The following SLF1 variants were observed in gnomAD, a reference collection of about 807,000 sequenced individuals.
The protein encoded by SLF1 is SMC5-SMC6 complex localization factor protein 1.
A neutral mutation model predicts 123.0 loss-of-function variants in SLF1; 105 were observed. That is an observed-to-expected ratio of 0.85 (90% CI 0.73 to 1.00). The LOEUF (loss-of-function observed/expected upper bound fraction) is 1.00. Ranked by LOEUF, SLF1 falls within the 50% of genes least tolerant of loss-of-function variation. The pLI is 0.00. For synonymous variants in SLF1, 434 were observed against 406.6 expected (o/e 1.07, Z -0.81); for missense variants, 1,239 against 1,223.0 (o/e 1.01, Z -0.20).
intron 4 of SLF1, among the ~76,000 whole-genome samples, chr5:94,631,956 A>AT (rs1291838417): frequency 1.4e-5 from 2 of 141,534 alleles, no homozygotes; most frequent in Admixed American, 7.2e-5. Context: ...TCTCTACAAA[A>AT]TTTTTTTTTC....
At position 94,686,664 on chromosome 5, in the gene SLF1, G is replaced by A; in HGVS notation, c.2067G>A (p.Leu689=). ...MFVAEAVFKK[L]CLQSSGSVSS... ...TTGCAGAGGCAGTCTTTAAAAAGTT[G>A]TGTCTACAGAGCTCTGGCAGTGTTT... is the stretch of plus-strand genomic sequence containing the variant. The change falls in exon 16 of 21, where the codon TTG becomes TTA. Residue 689 remains leucine (L), a synonymous_variant. Coordinates refer to ENST00000265140, the MANE Select transcript of SLF1 (RefSeq NM_032290.4). The A allele has an allele frequency of 6.2e-7, 1 of 1,614,050 alleles. No individual in the cohort carries two copies. The highest frequency in any genetic ancestry group is 8.5e-7 in the Non-Finnish European group (1 of 1,179,962).
At chr5:94,679,089 A>G in intron 15 of SLF1, 134 bp downstream of exon 15, 2 of 921,284 alleles carry the variant, frequency 2.2e-6, no homozygotes, top group Non-Finnish European at 3.2e-6. Context: ...GCACGCACAC[A>G]TAGATTCACA....
intron 8 of SLF1, among the ~76,000 whole-genome samples, chr5:94,654,253 A>G (rs1180868850): frequency 6.6e-6 from 1 of 152,154 alleles, no homozygotes; most frequent in African/African-American, 2.4e-5. Flanking sequence ...AAAATGATAA[A>G]GGTAAATAAG....
At chr5:94,657,985 C>T (rs1171151713) in intron 9 of SLF1, among the ~76,000 whole-genome samples, 1 of 151,978 alleles carries the variant, frequency 6.6e-6, no homozygotes, top group Non-Finnish European at 1.5e-5. Context: ...TTTTTTAATA[C>T]ATGTAGCCAG....
chr5:94,658,141 C>A (rs1434586677), intron 9 of SLF1, among the ~76,000 whole-genome samples: 1 of 143,326 alleles, frequency 7.0e-6, no homozygotes. Flanking sequence ...TATTGTTTGT[C>A]ATTGCAGTTG....
At chr5:94,692,712 A>T (rs1017630219) in intron 20 of SLF1, among the ~76,000 whole-genome samples, 1 of 152,314 alleles carries the variant, frequency 6.6e-6, no homozygotes, top group Non-Finnish European at 1.5e-5. Context: ...ACTGTAAAAA[A>T]ATGATATCCT....
chr5:94,639,201 G>A (rs553698212), intron 4 of SLF1, among the ~76,000 whole-genome samples: 5 of 151,800 alleles, frequency 3.3e-5, no homozygotes, highest in South Asian at 2.1e-4. Context: ...CACCATGCTC[G>A]ACTAATTTTT....
chr5:94,697,368 T>C lies in SLF1; in HGVS notation c.*2056T>C, dbSNP rs1055144597. 6.6e-6 allele frequency: 1 copy of C among 151,896 alleles called. No individual in the cohort carries two copies. The highest frequency in any genetic ancestry group is 1.5e-5 in the Non-Finnish European group (1 of 67,896). The allele number at this position is 151,896 out of a possible 1,614,324, so 9.4% of individuals were successfully genotyped here. A position where few individuals can be genotyped will look rare whatever the true frequency, so the allele number is the denominator to read the frequency against. On this transcript the variant is annotated 3_prime_UTR_variant, in exon 21 of 21. Coordinates refer to ENST00000265140, the MANE Select transcript of SLF1 (RefSeq NM_032290.4). Reference sequence around the variant, plus strand: ...ACATAATAATAATTGCCTTGAATAATTGCCCAAATCTATCTTGGAGGTATA... The same window carrying C: ...ACATAATAATAATTGCCTTGAATAACTGCCCAAATCTATCTTGGAGGTATA...
At chr5:94,656,532 C>G (rs1027193883) in intron 9 of SLF1, among the ~76,000 whole-genome samples, 3 of 151,890 alleles carry the variant, frequency 2.0e-5, no homozygotes, top group African/African-American at 7.2e-5. Context: ...ATTCCCTACC[C>G]TTCAGTTTTT....
At chr5:94,622,169 C>T (rs1360682818) in intron 1 of SLF1, among the ~76,000 whole-genome samples, 1 of 152,138 alleles carries the variant, frequency 6.6e-6, no homozygotes, top group African/African-American at 2.4e-5. Context: ...ACACTTGGAC[C>T]CTTTTCAGTT....
At chr5:94,669,271 G>T (rs1750165463) in intron 12 of SLF1, among the ~76,000 whole-genome samples, 1 of 152,150 alleles carries the variant, frequency 6.6e-6, no homozygotes, top group Non-Finnish European at 1.5e-5. Context: ...CTTATAGATA[G>T]ATTGAATATT....
intron 20 of SLF1, among the ~76,000 whole-genome samples, chr5:94,693,704 T>C (rs925243273): frequency 1.3e-5 from 2 of 151,898 alleles, no homozygotes; most frequent in African/African-American, 4.8e-5. Flanking sequence ...AATTTATTTA[T>C]TTCTCTAAAA....
Position 94,694,772 on chromosome 5 carries a change from TG to T in SLF1, c.2696-58del. On this transcript the variant is annotated intron_variant, in intron 20 of 20. Coordinates refer to ENST00000265140, the MANE Select transcript of SLF1 (RefSeq NM_032290.4). ...GCTTTGGGAAAAAGGAGAAAAGAGCTGTTAAGCTGCCAAAATAGAAATGTTT... is the reference window on the plus strand; with the variant it reads ...GCTTTGGGAAAAAGGAGAAAAGAGCTTTAAGCTGCCAAAATAGAAATGTTT... 7 of 1,510,884 alleles carry T rather than the reference TG, an allele frequency of 4.6e-6. No individual in the cohort carries two copies. The South Asian group carries it at 9.8e-5, about 21-fold the overall frequency. 93.6% of individuals were successfully genotyped at this position (1,510,884 alleles called of 1,614,324 possible). A position where few individuals can be genotyped will look rare whatever the true frequency, so the allele number is the denominator to read the frequency against.
At chr5:94,679,080 C>A in intron 15 of SLF1, 125 bp downstream of exon 15, 1 of 1,042,258 alleles carries the variant, frequency 9.6e-7, no homozygotes, top group Non-Finnish European at 1.4e-6. Context: ...GTTATGGATG[C>A]ACGCACACAT....
At chr5:94,684,182 C>T (rs575658118) in intron 15 of SLF1, among the ~76,000 whole-genome samples, 3 of 152,262 alleles carry the variant, frequency 2.0e-5, no homozygotes, top group East Asian at 1.9e-4. Context: ...TTGCTTTTGC[C>T]TCTGTCTAGA....
intron 15 of SLF1, 128 bp downstream of exon 15, chr5:94,679,083 G>A (rs1193475748): frequency 4.9e-5 from 50 of 1,015,052 alleles, no homozygotes; most frequent in African/African-American, 8.1e-5. Context: ...ATGGATGCAC[G>A]CACACATAGA....
At chr5:94,639,545 T>G (rs1201505567) in intron 4 of SLF1, among the ~76,000 whole-genome samples, 2 of 152,180 alleles carry the variant, frequency 1.3e-5, no homozygotes, top group African/African-American at 4.8e-5. Flanking sequence ...TAAAACAATA[T>G]ACAGTTGACA....
At chr5:94,671,129 T>C (rs1750390774) in intron 14 of SLF1, 121 bp downstream of exon 14, 5 of 727,878 alleles carry the variant, frequency 6.9e-6, no homozygotes, top group Non-Finnish European at 8.2e-6. Flanking sequence ...CCCAAATATA[T>C]CATTGTTTTC....
chr5:94,681,712 T>C (rs1751798866), intron 15 of SLF1, among the ~76,000 whole-genome samples: 1 of 149,888 alleles, frequency 6.7e-6, no homozygotes, highest in Non-Finnish European at 1.5e-5. Context: ...GTGTTCTCAT[T>C]GTTCAGTTCC....
Sources: allele counts gnomAD v4.1 joint callset (sites outside exome capture counted in the v4.1 genomes callset), GRCh38; gene constraint gnomAD v4.1.1; transcripts MANE v1.5; gene names NCBI Gene and HGNC (gene_info 2026-07-23, HGNC 2026-07-21).